The following C4orf36 variants were observed in gnomAD, a reference collection of about 807,000 sequenced individuals.
C4orf36 encodes the protein uncharacterized protein C4orf36.
C4orf36 carries 11 observed loss-of-function variants against 12.2 expected under a neutral mutation model. The ratio of observed to expected loss-of-function variants is 0.90; its 90% CI spans 0.57 to 1.49. The LOEUF (loss-of-function observed/expected upper bound fraction) is 1.49, where lower values mean the gene tolerates loss of function less well. C4orf36 is among the 40% of genes most tolerant of loss of function. The pLI is 0.00. For missense variants in C4orf36, 137 were observed against 133.9 expected (o/e 1.02, Z -0.11); for synonymous variants, 54 against 51.3 (o/e 1.05, Z -0.22).
At chr4:86,911,897 G>A in the C4orf36 span, among the ~76,000 whole-genome samples, 2 of 151,522 alleles carry the variant, frequency 1.3e-5, no homozygotes, top group African/African-American at 4.8e-5. Context: ...TTTGCTTTTT[G>A]TTGCCCAGGC....
chr4:86,889,876 G>C (rs116049023), intron 2 of C4orf36, among the ~76,000 whole-genome samples: 3,006 of 152,010 alleles, frequency 0.02, 113 homozygotes, highest in African/African-American at 0.068. Flanking sequence ...TGAGGTGATA[G>C]AGTGATACCC....
At chr4:86,905,749 G>A in the C4orf36 span, among the ~76,000 whole-genome samples, 10 of 144,856 alleles carry the variant, frequency 6.9e-5, no homozygotes, top group African/African-American at 2.6e-5. Flanking sequence ...ACATAGTCTC[G>A]CTCTGTTGCC....
At chr4:86,928,309 T>C in the C4orf36 span, among the ~76,000 whole-genome samples, 1 of 152,136 alleles carries the variant, frequency 6.6e-6, no homozygotes, top group Non-Finnish European at 1.5e-5. Flanking sequence ...TTCATTGGGA[T>C]CTGTAGAAGC....
At position 86,876,341 on chromosome 4, in the gene C4orf36, C is replaced by T. The variant is rs1240594027; in HGVS notation, c.*105G>A. On this transcript the variant is annotated 3_prime_UTR_variant, in exon 5 of 5. Coordinates refer to ENST00000295898, the MANE Select transcript of C4orf36 (RefSeq NM_144645.4). ...GGTGGGGGCCGGGCCAGGATGGCTG[C>T]AGCGCAGCGACGGCCGGGGCCGGGA... 9 of 1,538,082 alleles carry T rather than the reference C, an allele frequency of 5.9e-6. No homozygotes were observed. Among genetic ancestry groups the T allele is most frequent in the Non-Finnish European group, 7.9e-6 (9 of 1,144,204 alleles).
chr4:86,890,890 G>C (rs1747381198), intron 2 of C4orf36, among the ~76,000 whole-genome samples: 2 of 152,178 alleles, frequency 1.3e-5, no homozygotes, highest in Non-Finnish European at 2.9e-5. Context: ...CAGATGCAGA[G>C]ATCAAGGTAC....
At chr4:86,885,113 G>GT (rs1747145569) in intron 4 of C4orf36, among the ~76,000 whole-genome samples, 1 of 152,182 alleles carries the variant, frequency 6.6e-6, no homozygotes, top group Non-Finnish European at 1.5e-5. Context: ...TTGTAGTATA[G>GT]TTTGAAGTCA....
At chr4:86,905,794 T>C in the C4orf36 span, among the ~76,000 whole-genome samples, 1 of 151,370 alleles carries the variant, frequency 6.6e-6, no homozygotes, top group African/African-American at 2.4e-5. Flanking sequence ...CTTGGCTCAC[T>C]GCAACCTCTG....
At chr4:86,907,627 A>T in the C4orf36 span, among the ~76,000 whole-genome samples, 22 of 152,218 alleles carry the variant, frequency 1.4e-4, no homozygotes, top group Admixed American at 7.8e-4. Context: ...TCAAGGGAGG[A>T]ATGAAAAAGA....
At chr4:86,903,404 C>T in the C4orf36 span, among the ~76,000 whole-genome samples, 3 of 152,110 alleles carry the variant, frequency 2.0e-5, no homozygotes, top group South Asian at 2.1e-4. Flanking sequence ...CCAGTGTCCC[C>T]GTAATCAGTC....
In C4orf36 at chr4:86,888,288, T is replaced by C. The variant is rs748409022; in HGVS notation, c.66-13A>G. The C allele has an allele frequency of 6.2e-7, 1 of 1,611,030 alleles. No homozygotes were observed. Among genetic ancestry groups the C allele is most frequent in the African/African-American group, 1.3e-5 (1 of 74,852 alleles). ...CCAAGGTTCCTGTCTGGGGCAAAAA[T>C]TCATTAATCCATTCAATAAATATTG... is the stretch of plus-strand genomic sequence containing the variant. On this transcript the variant is annotated splice_polypyrimidine_tract_variant and intron_variant, in intron 2 of 4. Coordinates refer to ENST00000295898, the MANE Select transcript of C4orf36 (RefSeq NM_144645.4).
At chr4:86,902,583 C>T in the C4orf36 span, among the ~76,000 whole-genome samples, 17 of 152,256 alleles carry the variant, frequency 1.1e-4, no homozygotes, top group African/African-American at 3.9e-4. Context: ...AATCCCCCAG[C>T]GTGGTACCTT....
the C4orf36 span, among the ~76,000 whole-genome samples, chr4:86,915,783 G>A: frequency 7.2e-5 from 11 of 152,062 alleles, no homozygotes; most frequent in South Asian, 2.1e-4. Flanking sequence ...CTGAAACTCC[G>A]TCTCAAAAGA....
intron 4 of C4orf36, among the ~76,000 whole-genome samples, chr4:86,878,824 A>G (rs1291012486): frequency 6.6e-6 from 1 of 152,246 alleles, no homozygotes; most frequent in Non-Finnish European, 1.5e-5. Flanking sequence ...AGTTTGTTAC[A>G]GCACTGGAGA....
At chr4:86,899,554 G>T in the C4orf36 span, among the ~76,000 whole-genome samples, 1,499 of 152,316 alleles carry the variant, frequency 9.8e-3, 33 homozygotes, top group African/African-American at 0.034. Flanking sequence ...CAGGCACAGT[G>T]GCTCACTCCT....
chr4:86,918,302 T>C, the C4orf36 span, among the ~76,000 whole-genome samples: 1 of 152,182 alleles, frequency 6.6e-6, no homozygotes, highest in Non-Finnish European at 1.5e-5. Context: ...AAAGATCGGA[T>C]TCTGACTTGG....
At chr4:86,902,439 A>AAAAAAAAAAAAAG in the C4orf36 span, among the ~76,000 whole-genome samples, 1 of 140,972 alleles carries the variant, frequency 7.1e-6, no homozygotes, top group African/African-American at 2.7e-5. Flanking sequence ...AAAAAAAAAA[A>AAAAAAAAAAAAAG]AAAGAAAGAA....
upstream of C4orf36, among the ~76,000 whole-genome samples, chr4:86,896,920 T>C (rs1747603657): frequency 6.6e-6 from 1 of 152,222 alleles, no homozygotes; most frequent in African/African-American, 2.4e-5. Context: ...CTTAGAGGAC[T>C]GGAGTCATTT....
upstream of C4orf36, among the ~76,000 whole-genome samples, chr4:86,892,890 C>G (rs1187771806): frequency 1.3e-5 from 2 of 152,158 alleles, no homozygotes; most frequent in African/African-American, 4.8e-5. Flanking sequence ...ATCAGATGGC[C>G]ACCCCTTACG....
the C4orf36 span, among the ~76,000 whole-genome samples, chr4:86,930,957 C>T: frequency 2.6e-5 from 4 of 152,182 alleles, no homozygotes; most frequent in African/African-American, 4.8e-5. Flanking sequence ...TCTCTATCTG[C>T]CCACAATCTA....
Sources: gnomAD v4.1 joint callset for allele counts (sites outside exome capture counted in the v4.1 genomes callset) on GRCh38, gnomAD v4.1.1 for gene constraint, MANE v1.5 for transcripts, NCBI Gene and HGNC (gene_info 2026-07-23, HGNC 2026-07-21) for gene names.